The following SDK1 variants were observed in gnomAD, a reference collection of about 807,000 sequenced individuals.
SDK1 encodes sidekick cell adhesion molecule 1, also known as protein sidekick-1.
In SDK1, 157 loss-of-function variants were observed where a neutral mutation model predicts 245.5. The observed-to-expected ratio is 0.64, with a 90% confidence interval of 0.56 to 0.73. The LOEUF is 0.73. Ranked by LOEUF, SDK1 falls within the 30% of genes least tolerant of loss-of-function variation. SDK1 has a pLI of 0.00. For missense variants in SDK1, 3,583 were observed against 3,002.3 expected (o/e 1.19, Z -4.52); for synonymous variants, 1,647 against 1,278.5 (o/e 1.29, Z -6.15).
chr7:4,265,337 G>A lies in SDK1; in HGVS notation c.6595G>A (p.Gly2199Ser). The change falls in exon 45 of 45, where the codon GGC becomes AGC. Residue 2199 changes from glycine (G) to serine (S), a missense_variant. Gly to Ser is a moderately conservative substitution (Grantham distance 56). Transcript: ENST00000404826. The stretch of plus-strand genomic sequence containing the variant: ...CGCGGGCGGCGTCTACACCCCCGCT[G>A]GCCCCGGCGCGCGAACTCCGCTCAC... ...QSAGGVYTPAGPGARTPLTGF... is the reference protein window; with the variant it reads ...QSAGGVYTPASPGARTPLTGF... 6.8e-7 allele frequency: 1 copy of A among 1,474,220 alleles called. No individual in the cohort carries two copies. Among genetic ancestry groups the A allele is most frequent in the Non-Finnish European group, 8.9e-7 (1 of 1,126,186 alleles). 91.3% of individuals were successfully genotyped at this position (1,474,220 alleles called of 1,614,324 possible). A position where few individuals can be genotyped will look rare whatever the true frequency, so the allele number is the denominator to read the frequency against.
chr7:3,822,231 T>C (rs773391866), intron 5 of SDK1, among the ~76,000 whole-genome samples: 2 of 152,210 alleles, frequency 1.3e-5, no homozygotes, highest in African/African-American at 4.8e-5. Flanking sequence ...TCTGAACTAA[T>C]CTAGATTCAG....
intron 4 of SDK1, among the ~76,000 whole-genome samples, chr7:3,700,725 T>C (rs1784715500): frequency 6.6e-6 from 1 of 152,134 alleles, no homozygotes; most frequent in South Asian, 2.1e-4. Context: ...GTGTAAATGG[T>C]TTAAATACAC....
intron 5 of SDK1, among the ~76,000 whole-genome samples, chr7:3,870,428 T>C (rs1224938096): frequency 6.6e-6 from 1 of 152,164 alleles, no homozygotes; most frequent in Admixed American, 6.5e-5. Flanking sequence ...CAAGAAGGAC[T>C]TAGCGGGTGT....
chr7:3,979,770 C>T (rs17134101), intron 13 of SDK1, among the ~76,000 whole-genome samples: 3,221 of 152,296 alleles, frequency 0.021, 103 homozygotes, highest in African/African-American at 0.075. Context: ...AGGATGACTT[C>T]ATATTCCCCA....
intron 38 of SDK1, among the ~76,000 whole-genome samples, chr7:4,215,507 G>A (rs995752409): frequency 1.3e-5 from 2 of 152,200 alleles, no homozygotes; most frequent in Admixed American, 6.5e-5. Flanking sequence ...ACACACCTGG[G>A]CTGGCCTGTG....
intron 4 of SDK1, among the ~76,000 whole-genome samples, chr7:3,735,048 A>G (rs1012229541): frequency 6.6e-6 from 1 of 152,068 alleles, no homozygotes; most frequent in Non-Finnish European, 1.5e-5. Context: ...AAGCTAGTGG[A>G]GAATGTATAA....
chr7:3,443,773 G>T (rs1780264253), intron 1 of SDK1, among the ~76,000 whole-genome samples: 1 of 152,142 alleles, frequency 6.6e-6, no homozygotes, highest in African/African-American at 2.4e-5. Flanking sequence ...CAGCGTAATG[G>T]CTTTTATTTT....
intron 35 of SDK1, among the ~76,000 whole-genome samples, chr7:4,185,750 C>G (rs1283555595): frequency 6.6e-6 from 1 of 152,038 alleles, no homozygotes; most frequent in Non-Finnish European, 1.5e-5. Context: ...AGGGACCCCT[C>G]TTATCCCCAG....
intron 4 of SDK1, among the ~76,000 whole-genome samples, chr7:3,738,360 G>T (rs994652701): frequency 6.6e-6 from 1 of 152,108 alleles, no homozygotes; most frequent in Admixed American, 6.5e-5. Context: ...GGCCCTATTT[G>T]CCAGGGTTTA....
chr7:3,362,912 A>G (rs1474201577), intron 1 of SDK1, among the ~76,000 whole-genome samples: 1 of 152,206 alleles, frequency 6.6e-6, no homozygotes, highest in African/African-American at 2.4e-5. Context: ...AAAAATATCC[A>G]CTTAATTTTA....
At chr7:3,579,834 A>C (rs1217057820) in intron 1 of SDK1, among the ~76,000 whole-genome samples, 1 of 152,212 alleles carries the variant, frequency 6.6e-6, no homozygotes, top group Non-Finnish European at 1.5e-5. Flanking sequence ...TGCAGGTGAC[A>C]TGATTCTACA....
intron 5 of SDK1, among the ~76,000 whole-genome samples, chr7:3,881,271 C>T (rs1360520265): frequency 6.6e-6 from 1 of 151,924 alleles, no homozygotes; most frequent in Non-Finnish European, 1.5e-5. Flanking sequence ...ATGCAACAGG[C>T]CCCCCAGTGT....
At chr7:3,950,847 C>A (rs117359857) in intron 5 of SDK1, 76 bp from the exon 6 acceptor site, 25 of 1,128,022 alleles carry the variant, frequency 2.2e-5, no homozygotes, top group Non-Finnish European at 3.1e-5. Context: ...GGTCTTGGAA[C>A]GTGTCCCCTC....
At chr7:3,773,055 A>G (rs1780447661) in intron 4 of SDK1, among the ~76,000 whole-genome samples, 1 of 152,158 alleles carries the variant, frequency 6.6e-6, no homozygotes, top group Non-Finnish European at 1.5e-5. Flanking sequence ...AGATTGTTAA[A>G]CTTCTTAGAT....
intron 7 of SDK1, among the ~76,000 whole-genome samples, chr7:3,953,899 AC>A: frequency 6.6e-6 from 1 of 152,132 alleles, no homozygotes; most frequent in African/African-American, 2.4e-5. Context: ...CACTGCAAAA[AC>A]CCTGAAGAGA....
At chr7:3,493,020 T>C (rs993496759) in intron 1 of SDK1, among the ~76,000 whole-genome samples, 8 of 152,144 alleles carry the variant, frequency 5.3e-5, no homozygotes. Context: ...GCGTGATCTC[T>C]GCTCACTGCA....
chr7:3,967,525 T>C, intron 10 of SDK1, 91 bp downstream of exon 10: 1 of 805,274 alleles, frequency 1.2e-6, no homozygotes, highest in Non-Finnish European at 2.2e-6. Flanking sequence ...CTCTTGTTTA[T>C]TCACTTATGC....
chr7:3,621,354 A>G (rs1048731055), intron 2 of SDK1, among the ~76,000 whole-genome samples: 2 of 152,180 alleles, frequency 1.3e-5, no homozygotes, highest in African/African-American at 4.8e-5. Flanking sequence ...CATTGGAAAA[A>G]TGAGTACAGT....
chr7:3,369,556 G>C (rs1781172633), intron 1 of SDK1, among the ~76,000 whole-genome samples: 1 of 152,160 alleles, frequency 6.6e-6, no homozygotes, highest in Admixed American at 6.5e-5. Context: ...CCCAATTATA[G>C]AGCAGCTTCC....
Sources: allele counts gnomAD v4.1 joint callset (sites outside exome capture counted in the v4.1 genomes callset), GRCh38; gene constraint gnomAD v4.1.1; transcripts MANE v1.5; gene names NCBI Gene and HGNC (gene_info 2026-07-23, HGNC 2026-07-21).